The following CLYBL variants were observed in gnomAD, a reference collection of about 807,000 sequenced individuals.
CLYBL encodes citramalyl-CoA lyase.
CLYBL carries 31 observed loss-of-function variants against 38.9 expected under a neutral mutation model. The ratio of observed to expected loss-of-function variants is 0.80; its 90% CI spans 0.60 to 1.08. The LOEUF (loss-of-function observed/expected upper bound fraction) is 1.08. Among genes scored for constraint, CLYBL ranks in the 50% least tolerant of loss-of-function variants. The pLI, the probability that CLYBL is intolerant of heterozygous loss-of-function variation, is 0.00. For missense variants in CLYBL, 434 were observed against 411.6 expected (o/e 1.05, Z -0.47); for synonymous variants, 171 against 158.6 (o/e 1.08, Z -0.59).
At chr13:99,830,419 T>G (rs550242330) in intron 2 of CLYBL, among the ~76,000 whole-genome samples, 1 of 152,236 alleles carries the variant, frequency 6.6e-6, no homozygotes, top group African/African-American at 2.4e-5. Context: ...CAGGCACCAC[T>G]GCGGTATAGA....
chr13:99,722,169 A>G (rs1317060411), intron 1 of CLYBL, among the ~76,000 whole-genome samples: 2 of 152,018 alleles, frequency 1.3e-5, no homozygotes, highest in Admixed American at 6.5e-5. Flanking sequence ...TTCCCTTTTC[A>G]TGGACTGGCT....
At chr13:99,841,846 C>T (rs1490574408) in intron 2 of CLYBL, among the ~76,000 whole-genome samples, 1 of 124,642 alleles carries the variant, frequency 8.0e-6, no homozygotes, top group Non-Finnish European at 1.6e-5. Flanking sequence ...GACAGGGTCT[C>T]ACTTTGTCAC....
At chr13:99,691,056 C>T (rs2047894428) in intron 1 of CLYBL, 1 of 152,100 alleles carries the variant, frequency 6.6e-6, no homozygotes, top group East Asian at 1.9e-4. Context: ...CCTGATTAAC[C>T]CTTGGATTAC....
intron 1 of CLYBL, among the ~76,000 whole-genome samples, chr13:99,733,691 C>T (rs1310353292): frequency 6.6e-6 from 1 of 152,216 alleles, no homozygotes; most frequent in Non-Finnish European, 1.5e-5. Context: ...TAGCCATGCG[C>T]ACGTCTCTGT....
intron 2 of CLYBL, among the ~76,000 whole-genome samples, chr13:99,830,634 C>G (rs145947487): frequency 2.0e-4 from 30 of 152,262 alleles, no homozygotes; most frequent in Non-Finnish European, 2.6e-4. Context: ...CACAGTGACA[C>G]CCCTAGAGAT....
intron 2 of CLYBL, among the ~76,000 whole-genome samples, chr13:99,842,486 A>G (rs1310767958): frequency 1.3e-5 from 2 of 151,850 alleles, no homozygotes; most frequent in African/African-American, 4.8e-5. Flanking sequence ...CCCCTCTAGG[A>G]CTCTCTCCTG....
intron 1 of CLYBL, among the ~76,000 whole-genome samples, chr13:99,630,573 A>G (rs1389666211): frequency 6.6e-6 from 1 of 152,136 alleles, no homozygotes; most frequent in Non-Finnish European, 1.5e-5. Context: ...GTTTGATGAA[A>G]TCTTACCTAG....
At chr13:99,765,045 C>CT (rs1228919041) in intron 1 of CLYBL, among the ~76,000 whole-genome samples, 171 of 144,782 alleles carry the variant, frequency 1.2e-3, no homozygotes, top group Middle Eastern at 0.011. Flanking sequence ...TTTTTCTTTT[C>CT]TTTTTTTTTT....
chr13:99,624,761 TC>T (rs1394117287), intron 1 of CLYBL, among the ~76,000 whole-genome samples: 1 of 152,122 alleles, frequency 6.6e-6, no homozygotes, highest in Non-Finnish European at 1.5e-5. Context: ...CCACCTACAT[TC>T]TGTTTATTTC....
intron 7 of CLYBL, chr13:99,885,121 C>T (rs969748488): frequency 5.7e-6 from 3 of 527,804 alleles, no homozygotes; most frequent in Non-Finnish European, 1.2e-5. Context: ...TGAGGCCTGG[C>T]GCCTCCCCAC....
intron 1 of CLYBL, among the ~76,000 whole-genome samples, chr13:99,708,973 G>A (rs967115582): frequency 6.6e-6 from 1 of 151,960 alleles, no homozygotes; most frequent in Non-Finnish European, 1.5e-5. Flanking sequence ...GGCACCTGTA[G>A]TCCCAGCTAC....
At chr13:99,761,620 GT>G (rs1232034774) in intron 1 of CLYBL, among the ~76,000 whole-genome samples, 1 of 152,190 alleles carries the variant, frequency 6.6e-6, no homozygotes, top group East Asian at 1.9e-4. Flanking sequence ...TAGGGTAGCA[GT>G]GAACATAGGA....
intron 1 of CLYBL, among the ~76,000 whole-genome samples, chr13:99,697,273 G>T (rs1017398792): frequency 1.3e-5 from 2 of 152,146 alleles, no homozygotes; most frequent in South Asian, 2.1e-4. Context: ...GCAAGGATCC[G>T]CCCATAGTTT....
chr13:99,656,967 C>T (rs1373461297), intron 1 of CLYBL, among the ~76,000 whole-genome samples: 6 of 152,160 alleles, frequency 3.9e-5, no homozygotes, highest in African/African-American at 4.8e-5. Flanking sequence ...ATTCATCATC[C>T]GTTCTGATGT....
At chr13:99,622,844 TCCAGGTTGGAGTATAGTGGCACCGTCAC>T (rs1427552072) in intron 1 of CLYBL, among the ~76,000 whole-genome samples, 6 of 152,190 alleles carry the variant, frequency 3.9e-5, no homozygotes, top group Non-Finnish European at 8.8e-5. Context: ...AGCTCTGTCA[TCCAGGTTGGAGTATAGTGGCACCGTCAC>T]CCAGGCTGGA....
intron 1 of CLYBL, among the ~76,000 whole-genome samples, chr13:99,767,658 C>T (rs2049294687): frequency 6.6e-6 from 1 of 152,140 alleles, no homozygotes; most frequent in Non-Finnish European, 1.5e-5. Flanking sequence ...TTTTTCTGAT[C>T]CTCAGACTTG....
intron 2 of CLYBL, among the ~76,000 whole-genome samples, chr13:99,837,769 C>T (rs1018991515): frequency 1.3e-5 from 2 of 152,168 alleles, no homozygotes; most frequent in African/African-American, 2.4e-5. Flanking sequence ...TCAACCCTGG[C>T]CGTCCAGCAG....
chr13:99,831,692 C>T (rs1019097738), intron 2 of CLYBL, among the ~76,000 whole-genome samples: 17 of 151,288 alleles, frequency 1.1e-4, no homozygotes, highest in African/African-American at 4.1e-4. Flanking sequence ...TGTAAATACC[C>T]GCTTCTTGAG....
chr13:99,903,232 A>G (rs915251521), intron 8 of CLYBL, among the ~76,000 whole-genome samples: 1 of 152,240 alleles, frequency 6.6e-6, no homozygotes, highest in Non-Finnish European at 1.5e-5. Flanking sequence ...TGCTAGGCAG[A>G]CATTGCCATG....
Sources: allele counts gnomAD v4.1 joint callset (sites outside exome capture counted in the v4.1 genomes callset), GRCh38; gene constraint gnomAD v4.1.1; transcripts MANE v1.5; gene names NCBI Gene and HGNC (gene_info 2026-07-23, HGNC 2026-07-21).